Variants in THADA observed in about 807,000 individuals in gnomAD.
The protein encoded by THADA is tRNA (32-2'-O)-methyltransferase regulator THADA.
THADA carries 213 observed loss-of-function variants against 219.8 expected under a neutral mutation model. The observed-to-expected ratio is 0.97, with a 90% CI of 0.87 to 1.09. The LOEUF is 1.09. Among genes scored for constraint, THADA ranks in the 50% least tolerant of loss-of-function variants. The pLI is 0.00. For synonymous variants in THADA, 1,018 were observed against 828.9 expected, an observed-to-expected ratio of 1.23 and a Z score of -3.92; for missense variants, 2,956 against 2,311.3, an observed-to-expected ratio of 1.28 and a Z score of -5.72.
intron 36 of THADA, among the ~76,000 whole-genome samples, chr2:43,249,591 C>T (rs1001621254): frequency 1.3e-5 from 2 of 152,198 alleles, no homozygotes; most frequent in African/African-American, 4.8e-5. Flanking sequence ...TCCCGGCCCC[C>T]TAGTTGCAGG....
At chr2:43,232,163 CT>C (rs987967009) in intron 37 of THADA, among the ~76,000 whole-genome samples, 4 of 151,898 alleles carry the variant, frequency 2.6e-5, no homozygotes, top group African/African-American at 9.7e-5. Context: ...CCAGGGGCTT[CT>C]TTTTTTCTTT....
At chr2:43,483,729 G>C (rs1288146322) in intron 26 of THADA, among the ~76,000 whole-genome samples, 1 of 151,242 alleles carries the variant, frequency 6.6e-6, no homozygotes, top group African/African-American at 2.4e-5. Flanking sequence ...CTCATTTTCT[G>C]ATCATTTTCT....
rs767897367 is a variant in THADA, at chr2:43,344,146, T to C, written c.4319A>G (p.Lys1440Arg). ...CCTCTTGGCCAGCCAGAGTTTGGCTTTGGTACAAACAGTGATGTCAGTCAG... is the reference window on the plus strand; with the variant it reads ...CCTCTTGGCCAGCCAGAGTTTGGCTCTGGTACAAACAGTGATGTCAGTCAG... The part of the protein sequence containing the change: ...HELTDITVCT[K>R]AKLWLAKRQN... The change falls in exon 30 of 38, where the codon AAA (lysine) becomes AGA (arginine). Residue 1440 changes from lysine to arginine, a missense_variant. Physicochemically the swap from Lys to Arg is conservative, Grantham distance 26. Coordinates refer to ENST00000405975, the MANE Select transcript of THADA (RefSeq NM_022065.5). 20 of 1,611,382 alleles carry C rather than the reference T, an allele frequency of 1.2e-5. No individual in the cohort carries two copies. The South Asian group carries it at 2.2e-4, about 18-fold the overall frequency.
rs1679068332 is a variant in THADA at position 43,430,280 on chromosome 2, A to AG, written c.3858dup (p.Ser1287LeufsTer24). 6.5e-7 allele frequency: 1 copy of AG among 1,549,792 alleles called. No homozygotes were observed. Among genetic ancestry groups the AG allele is most frequent in the Non-Finnish European group, 8.7e-7 (1 of 1,146,126 alleles). On this transcript the variant is annotated frameshift_variant, in exon 27 of 38. Coordinates refer to ENST00000405975, the MANE Select transcript of THADA (RefSeq NM_022065.5). LOFTEE classifies it high-confidence loss of function. ...AAAGGATAGAGTTCTGGGAAACGAGAGAAAAACTCTCTCCCTGTCATTCTG... is the reference window on the plus strand; with the variant it reads ...AAAGGATAGAGTTCTGGGAAACGAGAGGAAAAACTCTCTCCCTGTCATTCTG...
At chr2:43,463,738 C>T (rs1298684407) in intron 26 of THADA, among the ~76,000 whole-genome samples, 1 of 152,022 alleles carries the variant, frequency 6.6e-6, no homozygotes, top group Non-Finnish European at 1.5e-5. Flanking sequence ...TTCAAGCCCT[C>T]AAAAAATTTT....
At chr2:43,316,012 G>C (rs1397645097) in intron 31 of THADA, among the ~76,000 whole-genome samples, 1 of 152,094 alleles carries the variant, frequency 6.6e-6, no homozygotes, top group Non-Finnish European at 1.5e-5. Context: ...AGTCACACCT[G>C]CCTGGCCTTG....
chr2:43,544,566 A>G (rs1695768329), intron 20 of THADA, among the ~76,000 whole-genome samples: 1 of 151,588 alleles, frequency 6.6e-6, no homozygotes, highest in Admixed American at 6.6e-5. Flanking sequence ...AGTGGTTTGT[A>G]GTTCTCCTTG....
intron 22 of THADA, among the ~76,000 whole-genome samples, chr2:43,519,260 G>A (rs1692115303): frequency 1.3e-5 from 2 of 151,890 alleles, no homozygotes; most frequent in South Asian, 4.1e-4. Flanking sequence ...CTTATAGAAA[G>A]CAATAATCAA....
chr2:43,432,665 A>G, intron 26 of THADA, among the ~76,000 whole-genome samples: 1 of 152,160 alleles, frequency 6.6e-6, no homozygotes, highest in East Asian at 1.9e-4. Flanking sequence ...GGAGATTTCT[A>G]CAGTCCTTTG....
intron 26 of THADA, among the ~76,000 whole-genome samples, chr2:43,468,278 T>A (rs1478503300): frequency 6.6e-6 from 1 of 152,156 alleles, no homozygotes; most frequent in Non-Finnish European, 1.5e-5. Flanking sequence ...AGGGGAAAAA[T>A]CTGGTTTAGT....
intron 8 of THADA, 139 bp from the exon 9 acceptor site, chr2:43,578,746 A>G (rs1483694528): frequency 2.1e-6 from 1 of 471,818 alleles, no homozygotes; most frequent in East Asian, 3.4e-5. Context: ...GGTCTTACCT[A>G]AGTTATTTAA....
chr2:43,475,442 A>AC (rs1558821004), intron 26 of THADA, among the ~76,000 whole-genome samples: 1 of 151,654 alleles, frequency 6.6e-6, no homozygotes, highest in Non-Finnish European at 1.5e-5. Context: ...AAAAAAAAAA[A>AC]AAAACCTAGA....
chr2:43,573,122 A>G (rs972779411), intron 11 of THADA, 130 bp from the exon 12 acceptor site: 17 of 726,926 alleles, frequency 2.3e-5, no homozygotes, highest in Non-Finnish European at 3.5e-5. Flanking sequence ...ACTCATTTCT[A>G]ACACAAATTA....
At chr2:43,475,426 A>AC (rs965752329) in intron 26 of THADA, among the ~76,000 whole-genome samples, 15 of 150,828 alleles carry the variant, frequency 9.9e-5, no homozygotes, top group African/African-American at 3.4e-4. Flanking sequence ...CTGTCTTAAA[A>AC]AAAAAAAAAA....
chr2:43,541,135 T>C (rs1332732560), intron 21 of THADA, 24 bp downstream of exon 21: 12 of 1,498,232 alleles, frequency 8.0e-6, no homozygotes, highest in Non-Finnish European at 1.1e-5. Flanking sequence ...AAATTATACA[T>C]GGTGGAATAA....
chr2:43,582,784 G>T (rs1700599396), intron 7 of THADA, among the ~76,000 whole-genome samples: 1 of 151,878 alleles, frequency 6.6e-6, no homozygotes, highest in Non-Finnish European at 1.5e-5. Flanking sequence ...GGCCAGGCTG[G>T]TCTCAAACTC....
At chr2:43,416,225 T>C (rs149640445) in intron 28 of THADA, among the ~76,000 whole-genome samples, 2,139 of 152,330 alleles carry the variant, frequency 0.014, 43 homozygotes, top group African/African-American at 0.045. Context: ...AGACAGATTA[T>C]TGTCTGAAAA....
intron 29 of THADA, among the ~76,000 whole-genome samples, chr2:43,353,443 C>T (rs1261788293): frequency 3.3e-5 from 5 of 152,138 alleles, no homozygotes; most frequent in South Asian, 2.1e-4. Flanking sequence ...TGATGTTGAG[C>T]ACTATTTTAT....
intron 20 of THADA, among the ~76,000 whole-genome samples, chr2:43,548,764 C>T (rs901522390): frequency 7.2e-5 from 11 of 152,316 alleles, no homozygotes; most frequent in Middle Eastern, 3.4e-3. Flanking sequence ...TTCCAGGTAC[C>T]GTCTGTCACC....
Sources: gnomAD v4.1 joint callset for allele counts (sites outside exome capture counted in the v4.1 genomes callset) on GRCh38, gnomAD v4.1.1 for gene constraint, MANE v1.5 for transcripts, NCBI Gene and HGNC (gene_info 2026-07-23, HGNC 2026-07-21) for gene names.